Variants in RBFOX1 observed in about 807,000 individuals in gnomAD.
The protein encoded by RBFOX1 is RNA binding protein fox-1 homolog 1.
In RBFOX1, 8 loss-of-function variants were observed where a neutral mutation model predicts 57.7. The observed-to-expected ratio is 0.14, with a 90% CI of 0.08 to 0.25. The LOEUF (loss-of-function observed/expected upper bound fraction) is 0.25, where lower values mean the gene tolerates loss of function less well. Ranked by LOEUF, RBFOX1 falls within the 10% of genes least tolerant of loss-of-function variation. The probability of loss-of-function intolerance (pLI) is 1.00; values close to 1 mark genes in which losing one functional copy is unlikely to be tolerated. For synonymous variants in RBFOX1, 326 were observed against 222.4 expected (o/e 1.47, Z -4.15); for missense variants, 611 against 548.5 (o/e 1.11, Z -1.14).
At chr16:6,708,171 T>C (rs1208102008) in intron 3 of RBFOX1, among the ~76,000 whole-genome samples, 5 of 152,108 alleles carry the variant, frequency 3.3e-5, no homozygotes, top group Admixed American at 3.3e-4. Context: ...TTATGACTTT[T>C]CCCCTTGTTT....
chr16:6,271,637 A>G (rs560009488), intron 1 of RBFOX1, among the ~76,000 whole-genome samples: 59 of 152,324 alleles, frequency 3.9e-4, no homozygotes, highest in Non-Finnish European at 6.0e-4. Flanking sequence ...GACTTTGCAG[A>G]TGTCAAAAAG....
chr16:6,840,897 A>AAAAAAAAG (rs751671784), intron 3 of RBFOX1, among the ~76,000 whole-genome samples: 24,278 of 137,194 alleles, frequency 0.18, 3,475 homozygotes, highest in East Asian at 0.6. Context: ...CAAAAAAAAA[A>AAAAAAAAG]AAAAAAACGA....
chr16:7,542,705 A>G (rs1184904517), intron 5 of RBFOX1, among the ~76,000 whole-genome samples: 2 of 150,162 alleles, frequency 1.3e-5, no homozygotes, highest in Non-Finnish European at 3.0e-5. Context: ...AAATGAAAAA[A>G]AAAAAAAAAA....
chr16:6,813,696 C>G (rs1037703629), intron 3 of RBFOX1, among the ~76,000 whole-genome samples: 1 of 152,174 alleles, frequency 6.6e-6, no homozygotes, highest in African/African-American at 2.4e-5. Context: ...AAGTCCCATA[C>G]TCTCTCACCC....
At chr16:5,955,585 T>C (rs912634808) in intron 4 of RBFOX1, among the ~76,000 whole-genome samples, 3 of 152,140 alleles carry the variant, frequency 2.0e-5, no homozygotes, top group African/African-American at 7.2e-5. Context: ...GAAATAAATG[T>C]ATAAGTCACC....
rs188702862 is a variant in RBFOX1, at chr16:6,962,779, C to T, written c.-15-89278C>T. On this transcript the variant is annotated intron_variant, in intron 3 of 15. Transcript: ENST00000550418. ...CCTTAGAAGGCTGAGGTGAAAAGAT[C>T]ACTTGAGCCCAGGAGATGGAGGCTG... Among the ~76,000 whole-genome samples the T allele has an allele frequency of 1.3e-4, 20 of 152,208 alleles. 1 individual carries two copies. Among genetic ancestry groups the T allele is most frequent in the Middle Eastern group, 6.8e-3 (2 of 294 alleles).
At chr16:7,220,655 C>T (rs996827666) in intron 4 of RBFOX1, among the ~76,000 whole-genome samples, 3 of 152,128 alleles carry the variant, frequency 2.0e-5, no homozygotes, top group South Asian at 4.1e-4. Flanking sequence ...TTTGAATTAT[C>T]TTCTTTGTAC....
In RBFOX1 at chr16:5,728,318, G is replaced by C. The variant is rs1293829368; in HGVS notation, c.318+129357G>C. On this transcript the variant is annotated intron_variant, in intron 3 of 19. Coordinates refer to the RBFOX1 transcript ENST00000641259. ...TCCTGCCATTTTCAATAACATGGATGAATGCTGCTTTTTATCCCTATTGTC... is the reference window on the plus strand; with the variant it reads ...TCCTGCCATTTTCAATAACATGGATCAATGCTGCTTTTTATCCCTATTGTC... Among the ~76,000 whole-genome samples the C allele has an allele frequency of 2.0e-5, 3 of 152,334 alleles. No homozygotes were observed. In the East Asian group the frequency reaches 5.8e-4, roughly 29 times the overall value.
chr16:5,373,298 C>T (rs1369971933), intron 1 of RBFOX1, among the ~76,000 whole-genome samples: 1 of 152,090 alleles, frequency 6.6e-6, no homozygotes, highest in Non-Finnish European at 1.5e-5. Context: ...ATTTATGTCC[C>T]CAAGCAAATT....
intron 1 of RBFOX1, among the ~76,000 whole-genome samples, chr16:6,257,462 G>A (rs530185461): frequency 1.3e-5 from 2 of 151,944 alleles, no homozygotes; most frequent in East Asian, 3.9e-4. Flanking sequence ...ACACGTGCAG[G>A]TTTGTTACAT....
chr16:6,773,975 G>A (rs990330785), intron 3 of RBFOX1: 5 of 985,322 alleles, frequency 5.1e-6, no homozygotes, highest in Non-Finnish European at 6.0e-6. Flanking sequence ...TGGTCCTCCC[G>A]TTTTCAACTG....
chr16:5,347,034 T>C (rs1270522357), intron 1 of RBFOX1, among the ~76,000 whole-genome samples: 1 of 152,172 alleles, frequency 6.6e-6, no homozygotes, highest in Admixed American at 6.5e-5. Context: ...GGCTTGTTCC[T>C]GACTTTATCC....
At chr16:7,473,204 G>A (rs1459488877) in intron 4 of RBFOX1, among the ~76,000 whole-genome samples, 5 of 151,976 alleles carry the variant, frequency 3.3e-5, no homozygotes, top group East Asian at 1.9e-4. Context: ...ATGGCAAAAC[G>A]CCATTTCTAC....
intron 3 of RBFOX1, among the ~76,000 whole-genome samples, chr16:6,777,922 C>A (rs1269415326): frequency 6.6e-6 from 1 of 152,078 alleles, no homozygotes; most frequent in Non-Finnish European, 1.5e-5. Flanking sequence ...TCTGAGCTTT[C>A]CAAAATTCCA....
At chr16:5,803,145 C>T (rs909513902) in intron 3 of RBFOX1, among the ~76,000 whole-genome samples, 2 of 152,248 alleles carry the variant, frequency 1.3e-5, no homozygotes, top group Non-Finnish European at 2.9e-5. Flanking sequence ...CGCTGTATCC[C>T]TCCCCCCATC....
At chr16:7,348,095 A>T (rs1403789838) in intron 4 of RBFOX1, among the ~76,000 whole-genome samples, 1 of 152,218 alleles carries the variant, frequency 6.6e-6, no homozygotes, top group Non-Finnish European at 1.5e-5. Flanking sequence ...ACTGTTTTAA[A>T]ACATTGTTGC....
chr16:7,001,754 C>A lies in RBFOX1; in HGVS notation c.-15-50303C>A, dbSNP rs140096104. Among the ~76,000 whole-genome samples, 6 of 152,018 alleles carry A rather than the reference C, an allele frequency of 3.9e-5. No homozygotes were observed. In the East Asian group the frequency reaches 9.7e-4, roughly 25 times the overall value. On this transcript the variant is annotated intron_variant, in intron 3 of 15. Transcript: ENST00000550418. ...TCACAGGGATGCGTCAACACACTGGCCTCTATTATTTGTTTTTAGAAGCTT... is the reference window on the plus strand; with the variant it reads ...TCACAGGGATGCGTCAACACACTGGACTCTATTATTTGTTTTTAGAAGCTT...
intron 3 of RBFOX1, among the ~76,000 whole-genome samples, chr16:6,757,003 CAAACAAACAAAA>C (rs1242589573): frequency 1.4e-5 from 2 of 142,816 alleles, no homozygotes; most frequent in African/African-American, 2.6e-5. Context: ...AACAAACAAA[CAAACAAACAAAA>C]AACATACAAA....
At chr16:5,367,151 G>T (rs1014306490) in intron 1 of RBFOX1, among the ~76,000 whole-genome samples, 1 of 152,118 alleles carries the variant, frequency 6.6e-6, no homozygotes. Context: ...ATGATTTTGT[G>T]TATAAATTTG....
Sources: allele counts gnomAD v4.1 joint callset (sites outside exome capture counted in the v4.1 genomes callset), GRCh38; gene constraint gnomAD v4.1.1; transcripts MANE v1.5; gene names NCBI Gene and HGNC (gene_info 2026-07-23, HGNC 2026-07-21).